Variants in EPHA6 observed in about 807,000 individuals in gnomAD.
EPHA6 encodes the protein ephrin type-A receptor 6.
In EPHA6, 50 loss-of-function variants were observed where a neutral mutation model predicts 112.0. The observed-to-expected ratio is 0.45, with a 90% CI of 0.36 to 0.56. The LOEUF (loss-of-function observed/expected upper bound fraction) is 0.56. EPHA6 is among the 20% of genes least tolerant of loss of function. The probability of loss-of-function intolerance (pLI) is 0.00; values close to 1 mark genes in which losing one functional copy is unlikely to be tolerated. For missense variants in EPHA6, 1,280 were observed against 1,417.4 expected (o/e 0.90, Z 1.56); for synonymous variants, 529 against 490.7 (o/e 1.08, Z -1.03).
At chr3:97,101,916 A>G (rs545365119) in intron 3 of EPHA6, among the ~76,000 whole-genome samples, 128 of 152,126 alleles carry the variant, frequency 8.4e-4, no homozygotes, top group Non-Finnish European at 1.1e-3. Flanking sequence ...AAATATCTTA[A>G]CTACTCTAAA....
intron 11 of EPHA6, among the ~76,000 whole-genome samples, chr3:97,539,845 T>A (rs2092823898): frequency 6.6e-6 from 1 of 152,130 alleles, no homozygotes; most frequent in African/African-American, 2.4e-5. Flanking sequence ...AGACTGAGGA[T>A]TGAGATGCTT....
chr3:96,942,474 A>C (rs1289469030), intron 2 of EPHA6, among the ~76,000 whole-genome samples: 1 of 152,156 alleles, frequency 6.6e-6, no homozygotes, highest in Non-Finnish European at 1.5e-5. Context: ...AAAGCGCAGT[A>C]TTAGGGTGGG....
intron 14 of EPHA6, among the ~76,000 whole-genome samples, chr3:97,658,950 T>C (rs1428108006): frequency 6.6e-6 from 1 of 151,974 alleles, no homozygotes; most frequent in African/African-American, 2.4e-5. Context: ...TTTTTGTTTT[T>C]CTTTCTTAGT....
At chr3:96,893,840 G>A (rs186685596) in intron 2 of EPHA6, among the ~76,000 whole-genome samples, 1 of 152,152 alleles carries the variant, frequency 6.6e-6, no homozygotes, top group East Asian at 1.9e-4. Context: ...GCTAGCTCTG[G>A]GTTGTTTAAA....
intron 10 of EPHA6, among the ~76,000 whole-genome samples, chr3:97,490,941 G>A (rs1232769809): frequency 6.6e-5 from 10 of 152,146 alleles, no homozygotes; most frequent in Non-Finnish European, 1.5e-4. Context: ...TCCTTTGAGG[G>A]TTGTTGCACA....
At chr3:96,980,642 C>A in intron 2 of EPHA6, among the ~76,000 whole-genome samples, 1 of 149,484 alleles carries the variant, frequency 6.7e-6, no homozygotes, top group East Asian at 2.0e-4. Context: ...TTACCTTGGG[C>A]AGTATGGCCA....
chr3:97,070,771 G>A (rs554271379), intron 3 of EPHA6, among the ~76,000 whole-genome samples: 31 of 152,176 alleles, frequency 2.0e-4, no homozygotes, highest in African/African-American at 6.7e-4. Flanking sequence ...CTGAATAACC[G>A]AAGCTATAAT....
chr3:97,275,724 A>G (rs370523984), intron 5 of EPHA6, among the ~76,000 whole-genome samples: 6 of 150,842 alleles, frequency 4.0e-5, no homozygotes, highest in East Asian at 2.0e-4. Flanking sequence ...GGGATGGGAT[A>G]TTGGCATTGA....
At chr3:97,615,324 C>T (rs1014333660) in intron 13 of EPHA6, among the ~76,000 whole-genome samples, 2 of 152,130 alleles carry the variant, frequency 1.3e-5, no homozygotes, top group African/African-American at 4.8e-5. Flanking sequence ...GGCAGAGAAG[C>T]TTTGCCGATT....
chr3:97,429,945 G>A (rs2089401429), intron 6 of EPHA6, among the ~76,000 whole-genome samples: 1 of 152,194 alleles, frequency 6.6e-6, no homozygotes, highest in African/African-American at 2.4e-5. Context: ...TTGTTACCAT[G>A]AGAATCTCTG....
At chr3:96,841,411 G>A (rs1366757248) in intron 1 of EPHA6, among the ~76,000 whole-genome samples, 2 of 152,018 alleles carry the variant, frequency 1.3e-5, no homozygotes, top group African/African-American at 4.8e-5. Context: ...TTCACAGTTT[G>A]TATAAGCTTT....
chr3:97,730,829 G>A (rs1424700065), intron 15 of EPHA6, among the ~76,000 whole-genome samples: 7 of 152,114 alleles, frequency 4.6e-5, no homozygotes, highest in African/African-American at 1.4e-4. Context: ...CTGGGAACAC[G>A]TGGAACAAAG....
chr3:97,165,288 A>G (rs1160141400), intron 3 of EPHA6, among the ~76,000 whole-genome samples: 8 of 152,214 alleles, frequency 5.3e-5, no homozygotes, highest in Admixed American at 3.3e-4. Context: ...CAACCTTTCT[A>G]TTCTCTTAAA....
intron 3 of EPHA6, among the ~76,000 whole-genome samples, chr3:97,060,178 C>G (rs1200299549): frequency 6.6e-6 from 1 of 152,058 alleles, no homozygotes; most frequent in Non-Finnish European, 1.5e-5. Flanking sequence ...TGAGCACTTC[C>G]TATGTTCAAA....
At chr3:97,208,637 C>T (rs2077779436) in intron 3 of EPHA6, among the ~76,000 whole-genome samples, 1 of 151,960 alleles carries the variant, frequency 6.6e-6, no homozygotes, top group South Asian at 2.1e-4. Flanking sequence ...GCCCCAGTTA[C>T]TTGGCAGGCT....
chr3:97,570,788 A>G (rs1424857991), intron 11 of EPHA6, among the ~76,000 whole-genome samples: 3 of 152,132 alleles, frequency 2.0e-5, no homozygotes, highest in African/African-American at 7.2e-5. Flanking sequence ...ACAACTCTAC[A>G]CAAAAAGAAA....
At chr3:97,699,368 T>C (rs2033232313) in intron 14 of EPHA6, among the ~76,000 whole-genome samples, 1 of 152,226 alleles carries the variant, frequency 6.6e-6, no homozygotes, top group African/African-American at 2.4e-5. Flanking sequence ...TAATTATTCT[T>C]ACATGAGCAC....
At chr3:96,948,990 C>T (rs1028638650) in intron 2 of EPHA6, among the ~76,000 whole-genome samples, 6 of 152,056 alleles carry the variant, frequency 3.9e-5, no homozygotes, top group African/African-American at 1.4e-4. Context: ...ATGCTGTTGA[C>T]CATCACCATG....
At chr3:97,598,601 A>G (rs990146186) in intron 12 of EPHA6, among the ~76,000 whole-genome samples, 2 of 151,682 alleles carry the variant, frequency 1.3e-5, no homozygotes, top group South Asian at 4.2e-4. Context: ...GAACTCATCA[A>G]TTTTTCTGGC....
Sources: allele counts gnomAD v4.1 joint callset (sites outside exome capture counted in the v4.1 genomes callset), GRCh38; gene constraint gnomAD v4.1.1; transcripts MANE v1.5; gene names NCBI Gene and HGNC (gene_info 2026-07-23, HGNC 2026-07-21).